The following RIMKLB variants were observed in gnomAD, a reference collection of about 807,000 sequenced individuals.
RIMKLB encodes ribosomal modification protein rimK like family member B.
RIMKLB carries 7 observed loss-of-function variants against 32.0 expected under a neutral mutation model. The observed-to-expected ratio is 0.22, with a 90% confidence interval of 0.12 to 0.41. RIMKLB has a LOEUF of 0.41. Among genes scored for constraint, RIMKLB ranks in the 10% least tolerant of loss-of-function variants. RIMKLB has a pLI of 1.00. For synonymous variants in RIMKLB, 172 were observed against 185.1 expected (o/e 0.93, Z 0.57); for missense variants, 289 against 498.7 (o/e 0.58, Z 4.00).
chr12:8,777,138 T>C lies in RIMKLB; in HGVS notation c.*3354T>C. On this transcript the variant is annotated 3_prime_UTR_variant, in exon 6 of 6. Coordinates refer to ENST00000535829, the MANE Select transcript of RIMKLB (RefSeq NM_001297776.2). ...TGTTCAATTTTATTTAAGATTTGTT[T>C]TTGTTGTACTAGGATTTTAAAAAAT... 1 of 985,028 alleles carries C rather than the reference T, an allele frequency of 1.0e-6. No homozygotes were observed. Among genetic ancestry groups the C allele is most frequent in the African/African-American group, 1.7e-5 (1 of 57,272 alleles). 61.0% of individuals were successfully genotyped at this position (985,028 alleles called of 1,614,324 possible). A position where few individuals can be genotyped will look rare whatever the true frequency, so the allele number is the denominator to read the frequency against.
chr12:8,739,129 A>T (rs149921812), intron 2 of RIMKLB, among the ~76,000 whole-genome samples: 1 of 152,252 alleles, frequency 6.6e-6, no homozygotes, highest in Non-Finnish European at 1.5e-5. Context: ...ATTACCATAG[A>T]CTGGATAGCT....
chr12:8,677,475 A>G (rs1942349845), upstream of RIMKLB, among the ~76,000 whole-genome samples: 1 of 151,928 alleles, frequency 6.6e-6, no homozygotes, highest in Non-Finnish European at 1.5e-5. Context: ...TTCTTTCCAC[A>G]CGGCTTCAGC....
chr12:8,678,579 C>T (rs761319130), upstream of RIMKLB, among the ~76,000 whole-genome samples: 9 of 151,580 alleles, frequency 5.9e-5, no homozygotes, highest in South Asian at 4.2e-4. Flanking sequence ...CCGCCTGTCT[C>T]GGCCTCCCAA....
chr12:8,736,501 C>A (rs12816796), intron 2 of RIMKLB, among the ~76,000 whole-genome samples: 2,017 of 144,172 alleles, frequency 0.014, 18 homozygotes, highest in Admixed American at 0.037. Context: ...GCCCCAAATT[C>A]TTAAGCATGT....
chr12:8,698,841 C>G (rs890284472), intron 1 of RIMKLB, among the ~76,000 whole-genome samples: 2 of 152,084 alleles, frequency 1.3e-5, no homozygotes, highest in African/African-American at 4.8e-5. Context: ...GTCATTCCAT[C>G]TTTTCCTTTG....
chr12:8,696,222 T>C (rs570526821), upstream of RIMKLB, among the ~76,000 whole-genome samples: 63 of 152,242 alleles, frequency 4.1e-4, no homozygotes, highest in Non-Finnish European at 6.8e-4. Context: ...TCAGTGTTAG[T>C]ATCTCTGTGC....
chr12:8,720,714 AT>A (rs770496270), intron 2 of RIMKLB, among the ~76,000 whole-genome samples: 1 of 151,952 alleles, frequency 6.6e-6, no homozygotes, highest in Non-Finnish European at 1.5e-5. Context: ...TAATTTTTGC[AT>A]TTTTGGTAGA....
intron 1 of RIMKLB, among the ~76,000 whole-genome samples, chr12:8,689,100 T>G (rs1942662126): frequency 6.6e-6 from 1 of 152,236 alleles, no homozygotes; most frequent in African/African-American, 2.4e-5. Flanking sequence ...CCTCCAAAAG[T>G]GCTGGGATTA....
At chr12:8,686,781 C>G (rs73053851) in intron 1 of RIMKLB, among the ~76,000 whole-genome samples, 27,391 of 152,154 alleles carry the variant, frequency 0.18, 3,163 homozygotes, top group Non-Finnish European at 0.26. Flanking sequence ...CACACCCGGC[C>G]TCCACTGACT....
At chr12:8,705,405 A>T (rs963185268) in intron 1 of RIMKLB, among the ~76,000 whole-genome samples, 1 of 150,208 alleles carries the variant, frequency 6.7e-6, no homozygotes, top group Non-Finnish European at 1.5e-5. Context: ...TGAACCCGGG[A>T]GGCAGAGGTT....
chr12:8,779,855 C>G (rs920811889), downstream of RIMKLB: 1 of 152,260 alleles, frequency 6.6e-6, no homozygotes, highest in Admixed American at 6.5e-5. Context: ...ACTGCTATTA[C>G]ATTTGTCATT....
At chr12:8,761,092 G>A (rs1282058952) in intron 5 of RIMKLB, among the ~76,000 whole-genome samples, 4 of 151,888 alleles carry the variant, frequency 2.6e-5, no homozygotes, top group South Asian at 2.1e-4. Flanking sequence ...GCTTATTCCT[G>A]TAATCCCAGC....
intron 2 of RIMKLB, among the ~76,000 whole-genome samples, chr12:8,721,779 TGGCACCCAGGC>T (rs1225342115): frequency 8.5e-5 from 13 of 152,304 alleles, no homozygotes; most frequent in African/African-American, 3.1e-4. Context: ...AGTCTGACTC[TGGCACCCAGGC>T]TGGAGTGCAG....
chr12:8,706,715 A>G (rs959505103), intron 1 of RIMKLB, among the ~76,000 whole-genome samples: 5 of 151,952 alleles, frequency 3.3e-5, no homozygotes, highest in African/African-American at 9.7e-5. Context: ...CAGCCCTCCA[A>G]AGTGCTGGGA....
chr12:8,714,100 T>C (rs1055021449), intron 2 of RIMKLB, 59 bp downstream of exon 2: 3 of 1,428,002 alleles, frequency 2.1e-6, no homozygotes, highest in Admixed American at 1.8e-5. Flanking sequence ...TGAATCTGCA[T>C]GTTTTAGGAA....
At chr12:8,720,813 T>C (rs1285892061) in intron 2 of RIMKLB, among the ~76,000 whole-genome samples, 1 of 152,150 alleles carries the variant, frequency 6.6e-6, no homozygotes, top group Non-Finnish European at 1.5e-5. Flanking sequence ...GTGCTGGGAT[T>C]ACAGGCATGA....
At position 8,713,938 on chromosome 12, in the gene RIMKLB, A is replaced by T; in HGVS notation, c.72A>T (p.Lys24Asn). 1 of 1,614,170 alleles carries T rather than the reference A, an allele frequency of 6.2e-7. No homozygotes were observed. Among genetic ancestry groups the T allele is most frequent in the South Asian group, 1.1e-5 (1 of 91,086 alleles). Reference protein sequence around the residue: ...DRRIREDYPQKEILRALKAKC... With the variant: ...DRRIREDYPQNEILRALKAKC... ...GCATCAGGGAAGACTATCCTCAAAA[A>T]GAGATTTTACGAGCATTGAAGGCCA... Residue 24 changes from lysine to asparagine, a missense_variant, in exon 2 of 6, where the codon AAA becomes AAT. Physicochemically the swap from Lys to Asn is moderately conservative, Grantham distance 94. This residue lies in a region of RIMKLB where 34 missense variants were observed against 35.3 expected (regional missense o/e 0.96). Coordinates refer to ENST00000535829, the MANE Select transcript of RIMKLB (RefSeq NM_001297776.2).
At chr12:8,702,601 T>C (rs569570904) in intron 1 of RIMKLB, among the ~76,000 whole-genome samples, 2 of 152,252 alleles carry the variant, frequency 1.3e-5, no homozygotes, top group Admixed American at 6.5e-5. Context: ...GACCATTTCT[T>C]ACTACTGTGC....
At chr12:8,693,557 C>T (rs1942793533), upstream of RIMKLB, among the ~76,000 whole-genome samples, 1 of 151,850 alleles carries the variant, frequency 6.6e-6, no homozygotes, top group Admixed American at 6.6e-5. Context: ...CCACCACGCC[C>T]AGCTAATTTT....
Sources: allele counts gnomAD v4.1 joint callset (sites outside exome capture counted in the v4.1 genomes callset), GRCh38; gene constraint gnomAD v4.1.1; regional missense constraint gnomAD v4.1.1; transcripts MANE v1.5; gene names NCBI Gene and HGNC (gene_info 2026-07-23, HGNC 2026-07-21).